KLHDC4: variants seen among roughly 807,000 people sequenced by gnomAD.
KLHDC4 encodes the protein kelch domain-containing protein 4.
In KLHDC4, 90 loss-of-function variants were observed where a neutral mutation model predicts 62.4. That is an observed-to-expected ratio of 1.44 (90% CI 1.22 to 1.72). The LOEUF (loss-of-function observed/expected upper bound fraction) is 1.72, where lower values mean the gene tolerates loss of function less well. Among genes scored for constraint, KLHDC4 ranks in the 40% most tolerant of loss-of-function variants. KLHDC4 has a pLI of 0.00. For missense variants in KLHDC4, 1,025 were observed against 699.7 expected (o/e 1.47, Z -5.25); for synonymous variants, 386 against 284.4 (o/e 1.36, Z -3.59).
intron 7 of KLHDC4, among the ~76,000 whole-genome samples, chr16:87,717,829 G>A (rs930976682): frequency 4.0e-5 from 6 of 150,676 alleles, no homozygotes; most frequent in Non-Finnish European, 8.8e-5. Context: ...TCTCCTTGTA[G>A]TACCCTGCAC....
chr16:87,765,464 A>AC (rs891521681), intron 1 of KLHDC4: 18 of 494,742 alleles, frequency 3.6e-5, no homozygotes, highest in African/African-American at 3.5e-4. Context: ...TCTTCTCACC[A>AC]CCCAGCCTCC....
intron 4 of KLHDC4, among the ~76,000 whole-genome samples, chr16:87,749,985 G>A (rs529518639): frequency 5.6e-4 from 86 of 152,306 alleles, no homozygotes; most frequent in Admixed American, 9.2e-4. Context: ...CACTCCGGCA[G>A]CAGGGGATGC....
At chr16:87,730,002 G>GGA (rs1207134328) in intron 6 of KLHDC4, among the ~76,000 whole-genome samples, 1 of 152,132 alleles carries the variant, frequency 6.6e-6, no homozygotes, top group African/African-American at 2.4e-5. Flanking sequence ...CACCCAGGCT[G>GGA]GAGTTCAGTG....
chr16:87,748,836 G>A, intron 4 of KLHDC4, 27 bp from the exon 5 acceptor site: 2 of 1,610,336 alleles, frequency 1.2e-6, no homozygotes, highest in East Asian at 2.2e-5. Flanking sequence ...GACAGGTCAG[G>A]GCACAGCCAC....
intron 7 of KLHDC4, among the ~76,000 whole-genome samples, chr16:87,720,818 T>C (rs993188363): frequency 3.9e-5 from 6 of 152,254 alleles, no homozygotes; most frequent in African/African-American, 1.4e-4. Context: ...GCATGTGCCC[T>C]GCCACAGCCG....
At position 87,762,068 on chromosome 16, in the gene KLHDC4, G is replaced by A. The variant is rs374997511; in HGVS notation, c.100-28C>T. 2.1e-5 allele frequency: 33 copies of A among 1,608,912 alleles called. No individual in the cohort carries two copies. In the African/African-American group the frequency reaches 3.6e-4, roughly 18 times the overall value. On this transcript the variant is annotated intron_variant, in intron 1 of 11. Transcript: ENST00000270583. ...AGGGCAAGCAAGCAGGCACACGTGA[G>A]ACTTATTCCCAGGACCCGCCGCGGA... is the stretch of plus-strand genomic sequence containing the variant.
At chr16:87,727,114 C>T (rs947664021) in intron 6 of KLHDC4, among the ~76,000 whole-genome samples, 190 bp from the exon 7 acceptor site, 6 of 152,176 alleles carry the variant, frequency 3.9e-5, no homozygotes, top group Middle Eastern at 3.2e-3. Context: ...TGCAACGAGC[C>T]AGAGACGCCA....
chr16:87,734,129 G>A lies in KLHDC4; in HGVS notation c.507-3485C>T, dbSNP rs376210806. Among the ~76,000 whole-genome samples the A allele has an allele frequency of 1.2e-4, 19 of 152,300 alleles. No individual in the cohort carries two copies. The East Asian group carries it at 1.7e-3, about 14-fold the overall frequency. ...TGAGAGGCCAAGGTGGGCGGATCACGAGGTCAGGAGCTCAAGACCAGCCTC... is the reference window on the plus strand; with the variant it reads ...TGAGAGGCCAAGGTGGGCGGATCACAAGGTCAGGAGCTCAAGACCAGCCTC... On this transcript the variant is annotated intron_variant, in intron 5 of 11. Transcript: ENST00000270583.
exon 1 of KLHDC4, chr16:87,700,422 C>A (rs1453213606): frequency 6.4e-6 from 1 of 157,154 alleles, no homozygotes; most frequent in African/African-American, 2.4e-5. Context: ...CCAGGGTCTG[C>A]CTCCAGCCCA....
At chr16:87,760,148 G>A (rs907423738) in intron 2 of KLHDC4, among the ~76,000 whole-genome samples, 8 of 151,586 alleles carry the variant, frequency 5.3e-5, no homozygotes, top group African/African-American at 1.9e-4. Context: ...AGCTGACCCA[G>A]GGAACTGCCA....
intron 7 of KLHDC4, among the ~76,000 whole-genome samples, chr16:87,725,378 G>C (rs1567710634): frequency 6.6e-6 from 1 of 152,116 alleles, no homozygotes; most frequent in Admixed American, 6.5e-5. Context: ...TGTTAGCCAG[G>C]ATGGTCTCGA....
chr16:87,752,490 C>T (rs12918007), intron 4 of KLHDC4, among the ~76,000 whole-genome samples: 5,797 of 152,030 alleles, frequency 0.038, 378 homozygotes, highest in African/African-American at 0.13. Context: ...GCACGCGCCA[C>T]GACGCCCAGG....
intron 9 of KLHDC4, chr16:87,710,134 A>G (rs2035501217): frequency 6.2e-6 from 1 of 162,414 alleles, no homozygotes; most frequent in South Asian, 1.8e-4. Flanking sequence ...CATTTACTAC[A>G]AACGGCGAGC....
intron 4 of KLHDC4, among the ~76,000 whole-genome samples, chr16:87,751,640 C>G (rs186159133): frequency 7.2e-4 from 109 of 152,182 alleles, no homozygotes; most frequent in African/African-American, 2.5e-3. Context: ...CATTCCTGGC[C>G]AGGTGCAGTG....
At chr16:87,724,538 C>A (rs554026182) in intron 7 of KLHDC4, among the ~76,000 whole-genome samples, 2 of 152,126 alleles carry the variant, frequency 1.3e-5, no homozygotes, top group African/African-American at 4.8e-5. Context: ...TTAAAAATAG[C>A]AGAAGACATG....
At position 87,708,538 on chromosome 16, in the gene KLHDC4, G is replaced by C. The variant is rs944612737; in HGVS notation, c.1448-72C>G. ...AGGTGGGGGAGGCTGCGGGACGGTG[G>C]TGGCTACGTCCTGGGGGGATTCCAT... On this transcript the variant is annotated intron_variant, in intron 10 of 11. Transcript: ENST00000270583. The C allele has an allele frequency of 2.2e-5, 25 of 1,126,380 alleles. No homozygotes were observed. The East Asian group carries it at 6.2e-4, about 28-fold the overall frequency. The allele number at this position is 1,126,380 out of a possible 1,614,324, so 69.8% of individuals were successfully genotyped here. A position where few individuals can be genotyped will look rare whatever the true frequency, so the allele number is the denominator to read the frequency against.
rs556466920 is a variant in KLHDC4 at position 87,738,255 on chromosome 16, G to A, written c.507-7611C>T. On this transcript the variant is annotated intron_variant, in intron 5 of 11. Transcript: ENST00000270583. ...CATCCTGCCGAGGAGCCTTCTCCAG[G>A]AAACTGACTTTCACTCAGATGCAGC... Among the ~76,000 whole-genome samples, 9 of 152,266 alleles carry A rather than the reference G, an allele frequency of 5.9e-5. No individual in the cohort carries two copies. The South Asian group carries it at 8.3e-4, about 14-fold the overall frequency.
chr16:87,727,777 G>C (rs554523186), intron 6 of KLHDC4, among the ~76,000 whole-genome samples: 89 of 152,356 alleles, frequency 5.8e-4, no homozygotes, highest in Admixed American at 1.2e-3. Flanking sequence ...GCATGGAAGA[G>C]CAAGCAGCTC....
chr16:87,765,828 C>T lies in KLHDC4; in HGVS notation c.63G>A (p.Met21Ile). The change falls in exon 1 of 12, where the codon ATG becomes ATA. Residue 21 changes from methionine (M) to isoleucine (I), a missense_variant. Coordinates refer to ENST00000270583, the MANE Select transcript of KLHDC4 (RefSeq NM_017566.4). ...GCGAGCGCTTAGACACCTTCTTCTC[C>T]ATCTTGGCGGCCGTCTTCTCCGCGC... ...GRGAEKTAAK[M>I]EKKVSKRSRK... 2.6e-6 allele frequency: 4 copies of T among 1,563,828 alleles called. No individual in the cohort carries two copies. The highest frequency in any genetic ancestry group is 3.5e-6 in the Non-Finnish European group (4 of 1,153,530).
Sources: gnomAD v4.1 joint callset for allele counts (sites outside exome capture counted in the v4.1 genomes callset) on GRCh38, gnomAD v4.1.1 for gene constraint, MANE v1.5 for transcripts, NCBI Gene and HGNC (gene_info 2026-07-23, HGNC 2026-07-21) for gene names.